Variants in NOVA1 observed in about 807,000 individuals in gnomAD.
The protein encoded by NOVA1 is NOVA alternative splicing regulator 1.
Under a neutral mutation model 38.0 loss-of-function variants are expected in NOVA1, and 7 were observed. The ratio of observed to expected loss-of-function variants is 0.18; its 90% CI spans 0.10 to 0.35. The LOEUF is 0.35. NOVA1 is among the 10% of genes least tolerant of loss of function. The probability of loss-of-function intolerance (pLI) is 1.00; values close to 1 mark genes in which losing one functional copy is unlikely to be tolerated. For missense variants in NOVA1, 460 were observed against 616.0 expected, an observed-to-expected ratio of 0.75 and a Z score of 2.68; for synonymous variants, 270 against 232.5, an observed-to-expected ratio of 1.16 and a Z score of -1.47.
In NOVA1 at chr14:26,597,497, T is replaced by A. The variant is rs1894274347; in HGVS notation, c.-61A>T. 8.3e-7 allele frequency: 1 copy of A among 1,198,280 alleles called. No homozygotes were observed. Among genetic ancestry groups the A allele is most frequent in the Non-Finnish European group, 1.0e-6 (1 of 966,098 alleles). The allele number at this position is 1,198,280 out of a possible 1,614,324, so 74.2% of individuals were successfully genotyped here. A position where few individuals can be genotyped will look rare whatever the true frequency, so the allele number is the denominator to read the frequency against. ...TCTCCCTTTTGTTTTGGCTTTTTCT[T>A]TTCTTTTTTCTTTTTTTTTTTTTTT... On this transcript the variant is annotated 5_prime_UTR_variant, in exon 1 of 5. Transcript: ENST00000539517.
intron 3 of NOVA1, among the ~76,000 whole-genome samples, chr14:26,476,397 A>G (rs931399595): frequency 2.6e-5 from 4 of 152,178 alleles, no homozygotes; most frequent in African/African-American, 7.2e-5. Context: ...TGTATTCCAT[A>G]GGATGTCCTT....
rs1190972245 is a variant in NOVA1, at chr14:26,567,612, A to G, written c.280+27798T>C. 2.0e-5 allele frequency among the ~76,000 whole-genome samples: 3 copies of G among 152,080 alleles called. No individual in the cohort carries two copies. In the East Asian group the frequency reaches 5.8e-4, roughly 29 times the overall value. The stretch of plus-strand genomic sequence containing the variant: ...TACCCGACTGTCTTACTTGATTTAA[A>G]TAGTTTGACAGTGGTTAGAGCATCC... On this transcript the variant is annotated intron_variant, in intron 2 of 4. Coordinates refer to ENST00000539517, the MANE Select transcript of NOVA1 (RefSeq NM_002515.3).
chr14:26,464,657 A>G (rs112869937), intron 4 of NOVA1, among the ~76,000 whole-genome samples: 1,780 of 152,232 alleles, frequency 0.012, 18 homozygotes, highest in African/African-American at 0.041. Context: ...TTATTAGCTG[A>G]TTGATGGTAA....
At chr14:26,530,154 A>AAG in intron 2 of NOVA1, among the ~76,000 whole-genome samples, 1 of 152,076 alleles carries the variant, frequency 6.6e-6, no homozygotes, top group East Asian at 1.9e-4. Context: ...TCCTGACCTC[A>AAG]TGATCCGCCT....
intron 2 of NOVA1, among the ~76,000 whole-genome samples, chr14:26,590,611 G>T (rs1420523872): frequency 1.3e-5 from 2 of 151,736 alleles, no homozygotes; most frequent in Admixed American, 1.3e-4. Flanking sequence ...TTCACTGATG[G>T]TTGTCAGTCA....
chr14:26,547,714 T>C (rs1303955516), intron 2 of NOVA1, among the ~76,000 whole-genome samples: 1 of 152,110 alleles, frequency 6.6e-6, no homozygotes, highest in African/African-American at 2.4e-5. Context: ...AAGTAATACT[T>C]ACAATTACAC....
intron 2 of NOVA1, among the ~76,000 whole-genome samples, chr14:26,578,228 G>C (rs1892984624): frequency 6.6e-6 from 1 of 152,090 alleles, no homozygotes; most frequent in Non-Finnish European, 1.5e-5. Flanking sequence ...GTCCTAATTG[G>C]AATAGCTTCA....
At chr14:26,520,878 T>C (rs1594455565) in intron 2 of NOVA1, among the ~76,000 whole-genome samples, 1 of 152,074 alleles carries the variant, frequency 6.6e-6, no homozygotes, top group Non-Finnish European at 1.5e-5. Flanking sequence ...TGAAATGCTA[T>C]ATAAGTTTAT....
intron 2 of NOVA1, among the ~76,000 whole-genome samples, chr14:26,493,156 T>C (rs116170423): frequency 0.012 from 1,816 of 152,158 alleles, 28 homozygotes; most frequent in Middle Eastern, 0.058. Flanking sequence ...TATTATAGAA[T>C]TATAAATTAA....
intron 4 of NOVA1, among the ~76,000 whole-genome samples, chr14:26,449,737 G>A (rs1882471972): frequency 6.6e-6 from 1 of 151,784 alleles, no homozygotes; most frequent in Non-Finnish European, 1.5e-5. Context: ...GGCTATCATT[G>A]CTACATTTTT....
intron 1 of NOVA1, chr14:26,595,988 G>A (rs1352041592): frequency 2.9e-6 from 1 of 347,068 alleles, no homozygotes; most frequent in South Asian, 2.4e-5. Flanking sequence ...AAATAGTGAT[G>A]AGCTATATTT....
chr14:26,597,190 G>T, intron 1 of NOVA1, 111 bp downstream of exon 1: 2 of 1,146,472 alleles, frequency 1.7e-6, no homozygotes, highest in Non-Finnish European at 2.2e-6. Context: ...GGCTGGAGGT[G>T]TCCGGGCCGC....
At chr14:26,497,582 C>T (rs1886914337) in intron 2 of NOVA1, among the ~76,000 whole-genome samples, 1 of 152,032 alleles carries the variant, frequency 6.6e-6, no homozygotes, top group Admixed American at 6.5e-5. Flanking sequence ...CATTTCTATT[C>T]CAAAAGATTC....
rs1894271668 is a variant in NOVA1 at position 26,597,477 on chromosome 14, C to CT, written c.-42dup. ...CGCTGCTACCGGGAGAAGGTTCTCC[C>CT]TTTTGTTTTGGCTTTTTCTTTTCTT... On this transcript the variant is annotated 5_prime_UTR_variant, in exon 1 of 5. Transcript: ENST00000539517. 8.3e-7 allele frequency: 1 copy of CT among 1,201,662 alleles called. No homozygotes were observed. The highest frequency in any genetic ancestry group is 1.0e-6 in the Non-Finnish European group (1 of 965,184). 74.4% of individuals were successfully genotyped at this position (1,201,662 alleles called of 1,614,324 possible). A position where few individuals can be genotyped will look rare whatever the true frequency, so the allele number is the denominator to read the frequency against.
At chr14:26,554,334 G>A (rs1272296514) in intron 2 of NOVA1, among the ~76,000 whole-genome samples, 1 of 151,438 alleles carries the variant, frequency 6.6e-6, no homozygotes, top group Non-Finnish European at 1.5e-5. Context: ...CACACAGGAG[G>A]AGAAATAGGT....
intron 3 of NOVA1, among the ~76,000 whole-genome samples, chr14:26,474,881 T>C (rs1311312344): frequency 6.6e-6 from 1 of 151,920 alleles, no homozygotes; most frequent in Non-Finnish European, 1.5e-5. Flanking sequence ...TTCATATAAA[T>C]ACTTTTAAGC....
chr14:26,454,210 G>A (rs1465499728), intron 4 of NOVA1, among the ~76,000 whole-genome samples: 2 of 152,098 alleles, frequency 1.3e-5, no homozygotes, highest in African/African-American at 2.4e-5. Flanking sequence ...ACGAATTTGT[G>A]TTGGGCCACA....
At chr14:26,493,081 T>C (rs61986467) in intron 2 of NOVA1, among the ~76,000 whole-genome samples, 30,640 of 152,184 alleles carry the variant, frequency 0.2, 3,318 homozygotes, top group East Asian at 0.33. Flanking sequence ...TGCTAAAAAT[T>C]ATTTTTGTAT....
chr14:26,450,349 C>G (rs987567883), intron 4 of NOVA1, among the ~76,000 whole-genome samples: 1 of 151,060 alleles, frequency 6.6e-6, no homozygotes, highest in African/African-American at 2.4e-5. Flanking sequence ...AATTCTAAAC[C>G]AAGTCACCTC....
Sources: allele counts gnomAD v4.1 joint callset (sites outside exome capture counted in the v4.1 genomes callset), GRCh38; gene constraint gnomAD v4.1.1; transcripts MANE v1.5; gene names NCBI Gene and HGNC (gene_info 2026-07-23, HGNC 2026-07-21).